Variants in PLA2G4C observed in about 807,000 individuals in gnomAD.
PLA2G4C encodes phospholipase A2 group IVC, also known as cytosolic phospholipase A2 gamma.
In PLA2G4C, 64 loss-of-function variants were observed where a neutral mutation model predicts 73.8. The ratio of observed to expected loss-of-function variants is 0.87; its 90% CI spans 0.71 to 1.07. The LOEUF is 1.07. Among genes scored for constraint, PLA2G4C ranks in the 50% least tolerant of loss-of-function variants. PLA2G4C has a pLI of 0.00. For synonymous variants in PLA2G4C, 254 were observed against 252.1 expected, an observed-to-expected ratio of 1.01 and a Z score of -0.07; for missense variants, 622 against 665.4, an observed-to-expected ratio of 0.93 and a Z score of 0.72.
At position 48,054,891 on chromosome 19, in the gene PLA2G4C, T is replaced by C. The variant is rs756169143; in HGVS notation, c.1416A>G (p.Ile472Met). 2 of 1,614,056 alleles carry C rather than the reference T, an allele frequency of 1.2e-6. No individual in the cohort carries two copies. Among genetic ancestry groups the C allele is most frequent in the Non-Finnish European group, 8.5e-7 (1 of 1,180,004 alleles). Residue 472 changes from isoleucine to methionine, a missense_variant, in exon 15 of 17, where the codon ATA becomes ATG. Transcript: ENST00000599921. ...CCCTGCACCTACCTCCACAGGCATC[T>C]ATGTTGAACAGGGGAAAATGCATCA... ...PVVMHFPLFN[I>M]DACGGDIEAW...
Position 48,102,623 on chromosome 19 carries a change from AAC to A in PLA2G4C, c.257+1963_257+1964del, listed in dbSNP as rs1231622539. Among the ~76,000 whole-genome samples the A allele has an allele frequency of 2.0e-5, 3 of 152,332 alleles. No individual in the cohort carries two copies. In the East Asian group the frequency reaches 5.8e-4, roughly 29 times the overall value. ...CATGTGTTTCATCATTTAATTCTCA[AAC>A]AGCCCTGTGAGATCAGCACAGTTTG... is the stretch of plus-strand genomic sequence containing the variant. On this transcript the variant is annotated intron_variant, in intron 4 of 16. Transcript: ENST00000599921.
chr19:48,084,604 G>C (rs942885829), intron 10 of PLA2G4C, among the ~76,000 whole-genome samples: 2 of 152,176 alleles, frequency 1.3e-5, no homozygotes, highest in Non-Finnish European at 1.5e-5. Context: ...CAAATGATCC[G>C]CCCGCCTTAG....
chr19:48,091,114 A>G (rs1366933804), intron 7 of PLA2G4C, among the ~76,000 whole-genome samples: 1 of 152,158 alleles, frequency 6.6e-6, no homozygotes, highest in Non-Finnish European at 1.5e-5. Context: ...AGGAGCAGAA[A>G]ATCTAGAATA....
At chr19:48,051,665 C>T (rs1967730378) in intron 16 of PLA2G4C, 1 of 151,922 alleles carries the variant, frequency 6.6e-6, no homozygotes, top group Non-Finnish European at 1.5e-5. Flanking sequence ...GGAAGCCACC[C>T]CCAAGATCCA....
At chr19:48,053,728 A>T (rs1967819794) in intron 15 of PLA2G4C, among the ~76,000 whole-genome samples, 1 of 152,158 alleles carries the variant, frequency 6.6e-6, no homozygotes. Flanking sequence ...ACCATGGCTG[A>T]TGCAGCATAG....
intron 10 of PLA2G4C, among the ~76,000 whole-genome samples, chr19:48,083,461 T>C (rs1419077763): frequency 6.7e-6 from 1 of 149,408 alleles, no homozygotes; most frequent in South Asian, 2.1e-4. Context: ...CTTTTTTTTT[T>C]TTTGAGACTG....
intron 3 of PLA2G4C, among the ~76,000 whole-genome samples, chr19:48,105,097 A>G (rs961069434): frequency 6.2e-5 from 9 of 146,008 alleles, no homozygotes; most frequent in African/African-American, 2.4e-4. Flanking sequence ...AAAAAAAAAA[A>G]AAAAAAAGAA....
chr19:48,058,428 G>A (rs1015471591), intron 14 of PLA2G4C, among the ~76,000 whole-genome samples: 52 of 151,866 alleles, frequency 3.4e-4, no homozygotes, highest in African/African-American at 8.2e-4. Context: ...GTGAGCCACC[G>A]TACCCAGCCA....
At chr19:48,083,438 C>CTTTTTT (rs201023920) in intron 10 of PLA2G4C, among the ~76,000 whole-genome samples, 2 of 40,440 alleles carry the variant, frequency 4.9e-5, no homozygotes, top group Non-Finnish European at 1.2e-4. Flanking sequence ...TTTTCTTTTT[C>CTTTTTT]TTTTTCTTTT....
In PLA2G4C at chr19:48,107,899, G is replaced by A. The variant is rs371055027; in HGVS notation, c.-32-1338C>T. Among the ~76,000 whole-genome samples, 67 of 152,218 alleles carry A rather than the reference G, an allele frequency of 4.4e-4. 1 individual carries two copies. In the South Asian group the frequency reaches 0.013, roughly 29 times the overall value. On this transcript the variant is annotated intron_variant, in intron 1 of 16. Transcript: ENST00000599921. ...GACATAAGCTATCCTCTCTCTCTAC[G>A]CCTTGGCTACCTAACATAGAAGGGC...
rs1214743885 is a variant in PLA2G4C at position 48,104,592 on chromosome 19, T to TGGATCCA, written c.246_252dup (p.Thr85TrpfsTer13). On this transcript the variant is annotated frameshift_variant, in exon 4 of 17. Coordinates refer to ENST00000599921, the MANE Select transcript of PLA2G4C (RefSeq NM_003706.3). LOFTEE classifies it high-confidence loss of function. ...TGAAACATGAGTGATGCTTACCAAG[T>TGGATCCA]GGATCCAGAGACCCCTGCGAGGTAC... 9 of 1,613,886 alleles carry TGGATCCA rather than the reference T, an allele frequency of 5.6e-6. No homozygotes were observed.
intron 13 of PLA2G4C, among the ~76,000 whole-genome samples, chr19:48,067,521 G>GT (rs1363481984): frequency 1.3e-5 from 2 of 152,102 alleles, no homozygotes; most frequent in Non-Finnish European, 2.9e-5. Context: ...AGAAATTAGG[G>GT]TTTTTTGCAT....
At chr19:48,100,377 G>C (rs2031833103) in intron 4 of PLA2G4C, among the ~76,000 whole-genome samples, 1 of 151,662 alleles carries the variant, frequency 6.6e-6, no homozygotes, top group Non-Finnish European at 1.5e-5. Flanking sequence ...AAATTAGCCA[G>C]GCGTGGTGGC....
intron 10 of PLA2G4C, among the ~76,000 whole-genome samples, chr19:48,079,664 A>G (rs1732087683): frequency 6.6e-6 from 1 of 152,256 alleles, no homozygotes; most frequent in South Asian, 2.1e-4. Context: ...AGCAAATGCA[A>G]CAAAAACAAA....
At chr19:48,053,168 C>T (rs763806812) in intron 15 of PLA2G4C, 21 bp from the exon 16 acceptor site, 2 of 1,537,774 alleles carry the variant, frequency 1.3e-6, no homozygotes, top group Non-Finnish European at 1.8e-6. Context: ...ACCAAACCAA[C>T]AAAGAAAAGG....
In PLA2G4C at chr19:48,074,757, C is replaced by T. The variant is rs752974337; in HGVS notation, c.1006+10G>A. The T allele has an allele frequency of 2.5e-6, 4 of 1,584,296 alleles. No homozygotes were observed. The highest frequency in any genetic ancestry group is 1.7e-5 in the Admixed American group (1 of 59,974). Reference sequence around the variant, plus strand: ...ACTGTTGATGACACTTATCACACTACACATGGTACCTTTCCTTTCGGGGTC... The same window carrying T: ...ACTGTTGATGACACTTATCACACTATACATGGTACCTTTCCTTTCGGGGTC... On this transcript the variant is annotated intron_variant, in intron 12 of 16. Coordinates refer to ENST00000599921, the MANE Select transcript of PLA2G4C (RefSeq NM_003706.3).
At chr19:48,101,321 G>A (rs970296094) in intron 4 of PLA2G4C, among the ~76,000 whole-genome samples, 1 of 151,570 alleles carries the variant, frequency 6.6e-6, no homozygotes, top group African/African-American at 2.4e-5. Context: ...TTTCTGTAGA[G>A]ATGGAGTCTC....
At chr19:48,068,317 A>G (rs1336130126) in intron 12 of PLA2G4C, among the ~76,000 whole-genome samples, 1 of 151,074 alleles carries the variant, frequency 6.6e-6, no homozygotes, top group African/African-American at 2.4e-5. Flanking sequence ...AAAAAAAAAA[A>G]AAAAAAAAGT....
chr19:48,088,821 A>T, intron 8 of PLA2G4C, 109 bp from the exon 9 acceptor site: 2 of 874,300 alleles, frequency 2.3e-6, no homozygotes, highest in South Asian at 1.4e-5. Context: ...TAGAAATGGC[A>T]GCCATGGGCT....
Sources: allele counts gnomAD v4.1 joint callset (sites outside exome capture counted in the v4.1 genomes callset), GRCh38; gene constraint gnomAD v4.1.1; transcripts MANE v1.5; gene names NCBI Gene and HGNC (gene_info 2026-07-23, HGNC 2026-07-21).